Variants in TSPAN8 observed in about 807,000 individuals in gnomAD.
TSPAN8 encodes tetraspanin 8, also known as tetraspanin-8.
Under a neutral mutation model 32.8 loss-of-function variants are expected in TSPAN8, and 21 were observed. The ratio of observed to expected loss-of-function variants is 0.64; its 90% confidence interval spans 0.45 to 0.92. TSPAN8 has a LOEUF of 0.92. Ranked by LOEUF, TSPAN8 falls within the 40% of genes least tolerant of loss-of-function variation. The pLI is 0.00. For missense variants in TSPAN8, 269 were observed against 281.9 expected, an observed-to-expected ratio of 0.95 and a Z score of 0.33; for synonymous variants, 95 against 94.6, an observed-to-expected ratio of 1.00 and a Z score of -0.03.
At chr12:71,136,740 A>T (rs1368496236) in intron 6 of TSPAN8, among the ~76,000 whole-genome samples, 1 of 152,206 alleles carries the variant, frequency 6.6e-6, no homozygotes, top group Non-Finnish European at 1.5e-5. Context: ...AAAAAATAAC[A>T]GACTGGTCAG....
chr12:71,157,542 G>T, intron 2 of TSPAN8, 77 bp downstream of exon 2: 1 of 1,006,352 alleles, frequency 9.9e-7, no homozygotes, highest in Non-Finnish European at 1.6e-6. Context: ...CTAGTGTACA[G>T]TCTGTTCTTG....
intron 2 of TSPAN8, among the ~76,000 whole-genome samples, chr12:71,151,240 T>G (rs1872245698): frequency 6.6e-6 from 1 of 152,028 alleles, no homozygotes; most frequent in South Asian, 2.1e-4. Context: ...ATTTTTTGTA[T>G]TTTTAGTAGA....
chr12:71,132,563 G>T, intron 7 of TSPAN8, 130 bp downstream of exon 7: 2 of 1,117,748 alleles, frequency 1.8e-6, no homozygotes, highest in South Asian at 1.7e-5. Context: ...TTTTTAATTT[G>T]GGAAATTTCT....
At chr12:71,128,831 T>C (rs1395694557) in intron 8 of TSPAN8, among the ~76,000 whole-genome samples, 1 of 152,128 alleles carries the variant, frequency 6.6e-6, no homozygotes, top group African/African-American at 2.4e-5. Context: ...TACCTCTACT[T>C]TTTAGAACTT....
chr12:71,129,649 C>A (rs1205570668), intron 7 of TSPAN8, among the ~76,000 whole-genome samples: 2 of 152,154 alleles, frequency 1.3e-5, no homozygotes, highest in Admixed American at 6.5e-5. Flanking sequence ...TGCTTGACTG[C>A]CTAATTGTTG....
At chr12:71,139,016 G>A in intron 4 of TSPAN8, 1 of 427,890 alleles carries the variant, frequency 2.3e-6, no homozygotes, top group African/African-American at 2.0e-5. Flanking sequence ...TATGTTAAAA[G>A]TGAATGCCTG....
At position 71,157,992 on chromosome 12, in the gene TSPAN8, G is replaced by T; in HGVS notation, c.-172C>A. 1 of 306,946 alleles carries T rather than the reference G, an allele frequency of 3.3e-6. No homozygotes were observed. Among genetic ancestry groups the T allele is most frequent in the Non-Finnish European group, 6.1e-6 (1 of 164,528 alleles). The allele number at this position is 306,946 out of a possible 1,614,324, so 19.0% of individuals were successfully genotyped here. ...TGTTCCTTTGCTTGTCATAGCTCCT[G>T]GGGCACTGGGCCAGGATATTTATGA... On this transcript the variant is annotated 5_prime_UTR_variant, in exon 1 of 9. Transcript: ENST00000247829.
intron 6 of TSPAN8, among the ~76,000 whole-genome samples, chr12:71,136,428 G>A (rs922975297): frequency 2.0e-5 from 3 of 152,198 alleles, no homozygotes; most frequent in African/African-American, 7.2e-5. Flanking sequence ...TCAGTGAGAA[G>A]TCAGATTAAG....
rs554920676 is a variant in TSPAN8 at position 71,136,620 on chromosome 12, T to C, written c.444+1333A>G. 3.3e-5 allele frequency among the ~76,000 whole-genome samples: 5 copies of C among 152,142 alleles called. No homozygotes were observed. The South Asian group carries it at 8.3e-4, about 25-fold the overall frequency. On this transcript the variant is annotated intron_variant, in intron 6 of 8. Transcript: ENST00000247829. ...GGACTAGAGTTTACTCTTTAGAGAGTAGTACTTAGTAAAGTTAAAATATTA... is the reference window on the plus strand; with the variant it reads ...GGACTAGAGTTTACTCTTTAGAGAGCAGTACTTAGTAAAGTTAAAATATTA...
chr12:71,139,863 A>T lies in TSPAN8; in HGVS notation c.124-15T>A. 1 of 1,592,630 alleles carries T rather than the reference A, an allele frequency of 6.3e-7. No individual in the cohort carries two copies. Among genetic ancestry groups the T allele is most frequent in the Non-Finnish European group, 8.5e-7 (1 of 1,171,454 alleles). ...GAACCAAAAATCTGAAGTAAAAAAG[A>T]GATTAATGGCAGAAAATTTATTTCC... is the stretch of plus-strand genomic sequence containing the variant. On this transcript the variant is annotated splice_polypyrimidine_tract_variant and intron_variant, in intron 3 of 8. Transcript: ENST00000247829.
chr12:71,127,656 T>C (rs574217981), intron 8 of TSPAN8, among the ~76,000 whole-genome samples: 106 of 152,340 alleles, frequency 7.0e-4, no homozygotes, highest in African/African-American at 2.3e-3. Flanking sequence ...AATTAATACA[T>C]GGAATATAAC....
intron 8 of TSPAN8, among the ~76,000 whole-genome samples, chr12:71,128,979 T>A (rs1592398106): frequency 1.4e-5 from 2 of 147,970 alleles, no homozygotes; most frequent in East Asian, 3.9e-4. Flanking sequence ...TTTGGTGCTT[T>A]TTCTTCTAAC....
intron 2 of TSPAN8, among the ~76,000 whole-genome samples, chr12:71,148,121 A>G (rs1219183925): frequency 1.3e-5 from 2 of 152,222 alleles, no homozygotes; most frequent in African/African-American, 2.4e-5. Context: ...AAATATAACT[A>G]TTTAGACATG....
chr12:71,149,274 A>G (rs568786559), intron 2 of TSPAN8, among the ~76,000 whole-genome samples: 113 of 151,996 alleles, frequency 7.4e-4, no homozygotes, highest in Non-Finnish European at 1.1e-3. Context: ...AGGCTGAGGC[A>G]GGAGAATTGC....
At chr12:71,138,122 C>A in intron 5 of TSPAN8, 34 bp downstream of exon 5, 1 of 1,610,544 alleles carries the variant, frequency 6.2e-7, no homozygotes. Flanking sequence ...ATTTTTCAAA[C>A]TTCTTCAAAA....
intron 4 of TSPAN8, among the ~76,000 whole-genome samples, chr12:71,139,472 TGA>T: frequency 6.6e-6 from 1 of 152,264 alleles, no homozygotes; most frequent in Non-Finnish European, 1.5e-5. Context: ...TAATGTTGAA[TGA>T]GTGAATGAAT....
At position 71,144,172 on chromosome 12, in the gene TSPAN8, T is replaced by A. The variant is rs1360959241; in HGVS notation, c.102A>T (p.Arg34=). 1 of 1,612,150 alleles carries A rather than the reference T, an allele frequency of 6.2e-7. No individual in the cohort carries two copies. Among genetic ancestry groups the A allele is most frequent in the African/African-American group, 1.3e-5 (1 of 74,884 alleles). ...TTACTGCTTGAGAGTCATTGCTTAC[T>A]CGTACCCATATTGCTAATGCTAGGA... ...ILILALAIWV[R]VSNDSQAIFG... The change falls in exon 3 of 9, where the codon CGA becomes CGT. Residue 34 remains arginine (R), a synonymous_variant. Coordinates refer to ENST00000247829, the MANE Select transcript of TSPAN8 (RefSeq NM_004616.3).
intron 7 of TSPAN8, among the ~76,000 whole-genome samples, chr12:71,132,268 G>C (rs1405192919): frequency 1.3e-5 from 2 of 152,092 alleles, no homozygotes; most frequent in Non-Finnish European, 2.9e-5. Flanking sequence ...TTTTGGGAAA[G>C]AAGAAACCTC....
chr12:71,135,606 A>C (rs532099698), intron 6 of TSPAN8, among the ~76,000 whole-genome samples: 1 of 152,288 alleles, frequency 6.6e-6, no homozygotes, highest in African/African-American at 2.4e-5. Flanking sequence ...ATATAGTCCT[A>C]GGAACACAAG....
Sources: gnomAD v4.1 joint callset for allele counts (sites outside exome capture counted in the v4.1 genomes callset) on GRCh38, gnomAD v4.1.1 for gene constraint, MANE v1.5 for transcripts, NCBI Gene and HGNC (gene_info 2026-07-23, HGNC 2026-07-21) for gene names.